MACF1: variants seen among roughly 807,000 people sequenced by gnomAD.
The protein encoded by MACF1 is microtubule actin crosslinking factor 1.
A neutral mutation model predicts 854.8 loss-of-function variants in MACF1; 193 were observed. The ratio of observed to expected loss-of-function variants is 0.23; its 90% CI spans 0.20 to 0.25. The LOEUF is 0.25. Among genes scored for constraint, MACF1 ranks in the 10% least tolerant of loss-of-function variants. The probability of loss-of-function intolerance (pLI) is 1.00; values close to 1 mark genes in which losing one functional copy is unlikely to be tolerated. For synonymous variants in MACF1, 3,185 were observed against 3,226.7 expected (o/e 0.99, Z 0.44); for missense variants, 7,722 against 8,929.1 (o/e 0.86, Z 5.45).
chr1:39,372,462 T>A lies in MACF1; in HGVS notation c.13096-17T>A. 2 of 1,524,330 alleles carry A rather than the reference T, an allele frequency of 1.3e-6. No individual in the cohort carries two copies. Among genetic ancestry groups the A allele is most frequent in the Non-Finnish European group, 9.1e-7 (1 of 1,099,610 alleles). 94.4% of individuals were successfully genotyped at this position (1,524,330 alleles called of 1,614,324 possible). ...AAGCCCCAGATACTACATTTGGCCA[T>A]TTTCTTCTTTAAACAGAGTCTACTA... On this transcript the variant is annotated splice_polypyrimidine_tract_variant and intron_variant, in intron 51 of 100. Transcript: ENST00000564288.
At chr1:39,180,454 A>G (rs537657238) in intron 2 of MACF1, among the ~76,000 whole-genome samples, 3 of 152,210 alleles carry the variant, frequency 2.0e-5, no homozygotes, top group Non-Finnish European at 4.4e-5. Flanking sequence ...CATCTCTACT[A>G]AAAATACAAA....
At chr1:39,172,764 TACTG>T (rs1361254843) in intron 2 of MACF1, among the ~76,000 whole-genome samples, 2 of 152,168 alleles carry the variant, frequency 1.3e-5, no homozygotes, top group Non-Finnish European at 2.9e-5. Flanking sequence ...AGAAGGTGCT[TACTG>T]ACTGAGTATA....
chr1:39,206,552 C>G (rs1263964128), intron 1 of MACF1: 2 of 151,932 alleles, frequency 1.3e-5, no homozygotes, highest in Admixed American at 1.3e-4. Context: ...TAAGTGCTTT[C>G]TTTTTTATGT....
At position 39,340,564 on chromosome 1, in the gene MACF1, T is replaced by C. The variant is rs748157625; in HGVS notation, c.10278T>C (p.Asn3426=). The C allele has an allele frequency of 6.2e-7, 1 of 1,614,098 alleles. No homozygotes were observed. Among genetic ancestry groups the C allele is most frequent in the Non-Finnish European group, 8.5e-7 (1 of 1,180,014 alleles). ...TLVSQELECV[N]QIIISQPQEV... ...TCAGTCAGGAGCTGGAGTGTGTGAA[T>C]CAGATTATCATCAGCCAGCCTCAAG... The change falls in exon 39 of 101, where the codon AAT becomes AAC. Residue 3426 remains asparagine, a synonymous_variant. Coordinates refer to ENST00000564288, the MANE Select transcript of MACF1 (RefSeq NM_001394062.1).
At chr1:39,286,281 T>G (rs1472245487) in intron 14 of MACF1, among the ~76,000 whole-genome samples, 1 of 152,118 alleles carries the variant, frequency 6.6e-6, no homozygotes, top group Non-Finnish European at 1.5e-5. Context: ...CCCAAAGTGC[T>G]GGGATTATAG....
intron 6 of MACF1, chr1:39,268,741 T>C: frequency 7.8e-7 from 1 of 1,288,066 alleles, no homozygotes; most frequent in Non-Finnish European, 1.0e-6. Context: ...AAAGAGTCAA[T>C]AGCTATTCCT....
intron 23 of MACF1, among the ~76,000 whole-genome samples, chr1:39,305,703 CCT>C (rs1646158931): frequency 6.6e-6 from 1 of 152,188 alleles, no homozygotes; most frequent in African/African-American, 2.4e-5. Flanking sequence ...CTGTGCCTTA[CCT>C]CTCTGAACTC....
chr1:39,087,514 C>G (rs1641702444), intron 2 of MACF1, among the ~76,000 whole-genome samples: 1 of 151,984 alleles, frequency 6.6e-6, no homozygotes, highest in Non-Finnish European at 1.5e-5. Context: ...CTGTTCTCAT[C>G]CTTTCCCTAC....
At chr1:39,370,702 G>A (rs1252161982) in intron 51 of MACF1, among the ~76,000 whole-genome samples, 1 of 152,200 alleles carries the variant, frequency 6.6e-6, no homozygotes, top group Non-Finnish European at 1.5e-5. Flanking sequence ...TTCATCCTGA[G>A]CAGATGAAAG....
chr1:39,456,511 T>C (rs1292968704), intron 89 of MACF1, among the ~76,000 whole-genome samples: 1 of 152,118 alleles, frequency 6.6e-6, no homozygotes, highest in Admixed American at 6.6e-5. Context: ...ATAGTTTAGG[T>C]GTGTTATATT....
At chr1:39,352,132 T>A (rs1208453270) in intron 43 of MACF1, among the ~76,000 whole-genome samples, 1 of 152,090 alleles carries the variant, frequency 6.6e-6, no homozygotes, top group Non-Finnish European at 1.5e-5. Context: ...ATGAGGAAAG[T>A]GGAGAACATG....
chr1:39,361,940 C>G (rs750651987), intron 49 of MACF1, among the ~76,000 whole-genome samples: 2 of 152,170 alleles, frequency 1.3e-5, no homozygotes, highest in Non-Finnish European at 2.9e-5. Flanking sequence ...TCAAGGGATG[C>G]AGATTGATGG....
chr1:39,274,930 G>T (rs1046080061), intron 6 of MACF1, among the ~76,000 whole-genome samples: 4 of 151,986 alleles, frequency 2.6e-5, no homozygotes, highest in African/African-American at 9.7e-5. Context: ...ACAAGAAAAT[G>T]AATAAGAAAA....
intron 49 of MACF1, among the ~76,000 whole-genome samples, chr1:39,363,565 G>A (rs1194994241): frequency 6.7e-6 from 1 of 149,332 alleles, no homozygotes; most frequent in Non-Finnish European, 1.5e-5. Flanking sequence ...GTGTAGAAGA[G>A]TTACAGTTTA....
At chr1:39,437,727 A>T in intron 70 of MACF1, 50 bp from the exon 71 acceptor site, 1 of 1,333,970 alleles carries the variant, frequency 7.5e-7, no homozygotes, top group Non-Finnish European at 1.1e-6. Flanking sequence ...CACTTCTCCA[A>T]GAAGAGTGAT....
rs1168014209 is a variant in MACF1, at chr1:39,382,135, C to G, written c.13831C>G (p.Gln4611Glu). The G allele has an allele frequency of 6.2e-7, 1 of 1,613,630 alleles. No individual in the cohort carries two copies. The change falls in exon 56 of 101, where the codon CAA becomes GAA. Residue 4611 changes from glutamine to glutamate, a missense_variant. Physicochemically the swap from Gln to Glu is conservative, Grantham distance 29. Coordinates refer to ENST00000564288, the MANE Select transcript of MACF1 (RefSeq NM_001394062.1). ...TATTGACCCCAACATGTTGAATGCA[C>G]AAAAGCAACAGGTCCAGGTGAGCAA... is the stretch of plus-strand genomic sequence containing the variant. ...LSIDPNMLNA[Q>E]KQQVQFMLKE...
At chr1:39,329,612 A>G (rs1023670218) in intron 36 of MACF1, among the ~76,000 whole-genome samples, 1 of 152,220 alleles carries the variant, frequency 6.6e-6, no homozygotes, top group Non-Finnish European at 1.5e-5. Context: ...AGAAAGTAGC[A>G]CTGACCAAAG....
chr1:39,393,333 C>T lies in MACF1; in HGVS notation c.15816+4675C>T, dbSNP rs774384803. Among the ~76,000 whole-genome samples the T allele has an allele frequency of 8.1e-4, 122 of 151,334 alleles. 3 individuals carry two copies. Among genetic ancestry groups the T allele is most frequent in the Non-Finnish European group, 1.0e-4 (7 of 67,890 alleles). On this transcript the variant is annotated intron_variant, in intron 58 of 100. Transcript: ENST00000564288. ...TCTTAAACCAACCCCTCCTTTGCCC[C>T]CTGCTCCCCGCAAGAACCATGTGAC...
At chr1:39,203,115 AT>A (rs1192639740), upstream of MACF1, among the ~76,000 whole-genome samples, 3 of 152,254 alleles carry the variant, frequency 2.0e-5, no homozygotes, top group Non-Finnish European at 2.9e-5. Flanking sequence ...TTAGAAAAAA[AT>A]AAACTTGACA....
Sources: allele counts gnomAD v4.1 joint callset (sites outside exome capture counted in the v4.1 genomes callset), GRCh38; gene constraint gnomAD v4.1.1; transcripts MANE v1.5; gene names NCBI Gene and HGNC (gene_info 2026-07-23, HGNC 2026-07-21).